The following C4BPA variants were observed in gnomAD, a reference collection of about 807,000 sequenced individuals.
C4BPA encodes the protein C4b-binding protein alpha chain.
C4BPA carries 31 observed loss-of-function variants against 63.7 expected under a neutral mutation model. The ratio of observed to expected loss-of-function variants is 0.49; its 90% CI spans 0.37 to 0.66. C4BPA has a LOEUF of 0.66. Among genes scored for constraint, C4BPA ranks in the 30% least tolerant of loss-of-function variants. The pLI, the probability that C4BPA is intolerant of heterozygous loss-of-function variation, is 0.00. For missense variants in C4BPA, 572 were observed against 723.3 expected, an observed-to-expected ratio of 0.79 and a Z score of 2.40; for synonymous variants, 259 against 254.7, an observed-to-expected ratio of 1.02 and a Z score of -0.16.
In C4BPA at chr1:207,114,197, C is replaced by A; in HGVS notation, c.240C>A (p.Thr80=). ...RFKTGTTLKY[T]CLPGYVRSHS... ...AAACTGGAACTACTCTGAAATACACCTGCCTCCCTGGCTACGTCAGATCCC... is the reference window on the plus strand; with the variant it reads ...AAACTGGAACTACTCTGAAATACACATGCCTCCCTGGCTACGTCAGATCCC... Residue 80 remains threonine (T), a synonymous_variant, in exon 3 of 12, where the codon ACC becomes ACA. Transcript: ENST00000367070. The A allele has an allele frequency of 6.2e-7, 1 of 1,613,770 alleles. No homozygotes were observed. Among genetic ancestry groups the A allele is most frequent in the Non-Finnish European group, 8.5e-7 (1 of 1,179,762 alleles).
intron 8 of C4BPA, among the ~76,000 whole-genome samples, chr1:207,132,618 G>A (rs532786781): frequency 6.6e-6 from 1 of 152,232 alleles, no homozygotes; most frequent in East Asian, 1.9e-4. Flanking sequence ...TGGGGAAATA[G>A]AATAAAAGAT....
intron 4 of C4BPA, 105 bp downstream of exon 4, chr1:207,115,620 G>A: frequency 3.4e-6 from 2 of 589,398 alleles, no homozygotes; most frequent in Non-Finnish European, 5.6e-6. Context: ...GATAGACGTT[G>A]AGAATTCTCA....
Position 207,117,039 on chromosome 1 carries a change from T to C in C4BPA, c.428+1524T>C, listed in dbSNP as rs1246574060. Among the ~76,000 whole-genome samples, 6 of 152,236 alleles carry C rather than the reference T, an allele frequency of 3.9e-5. No individual in the cohort carries two copies. In the East Asian group the frequency reaches 1.2e-3, roughly 29 times the overall value. The stretch of plus-strand genomic sequence containing the variant: ...TTATAATATGTTTTAATAGCCAATA[T>C]GGGTAGAGCTATCTTATTGCTCTTC... On this transcript the variant is annotated intron_variant, in intron 4 of 11. Coordinates refer to ENST00000367070, the MANE Select transcript of C4BPA (RefSeq NM_000715.4).
At chr1:207,107,209 T>C (rs1458746636) in intron 1 of C4BPA, among the ~76,000 whole-genome samples, 1 of 152,202 alleles carries the variant, frequency 6.6e-6, no homozygotes, top group Non-Finnish European at 1.5e-5. Context: ...GGTAAGAGCA[T>C]TAATGCATGG....
chr1:207,104,584 A>G (rs1684522974), intron 1 of C4BPA, among the ~76,000 whole-genome samples, 154 bp downstream of exon 1: 1 of 152,240 alleles, frequency 6.6e-6, no homozygotes. Flanking sequence ...AGGGGGATGT[A>G]AGACTTGAGA....
At chr1:207,136,273 C>T (rs968399914) in intron 9 of C4BPA, among the ~76,000 whole-genome samples, 2 of 152,198 alleles carry the variant, frequency 1.3e-5, no homozygotes, top group Non-Finnish European at 2.9e-5. Flanking sequence ...TCCTCTTGTG[C>T]CAGCACCCAT....
rs1457764777 is a variant in C4BPA at position 207,131,642 on chromosome 1, G to A, written c.986G>A (p.Arg329Lys). Residue 329 changes from arginine to lysine, a missense_variant, in exon 8 of 12, where the codon AGG (arginine) becomes AAG (lysine). By Grantham distance (26) the Arg-to-Lys change is conservative (BLOSUM62 2). Around this residue, in one of 2 missense-constraint regions of C4BPA, gnomAD observed 465 missense variants for 629.4 expected, o/e 0.74. Coordinates refer to ENST00000367070, the MANE Select transcript of C4BPA (RefSeq NM_000715.4). ...EDVYVVGTVL[R>K]YRCHPGYKPT... ...GTGTATGTTGTTGGGACTGTGTTAA[G>A]GTACCGCTGTCATCCTGGCTACAAA... The A allele has an allele frequency of 1.2e-6, 2 of 1,613,798 alleles. No individual in the cohort carries two copies. The highest frequency in any genetic ancestry group is 1.7e-6 in the Non-Finnish European group (2 of 1,179,748).
intron 5 of C4BPA, 57 bp downstream of exon 5, chr1:207,124,064 T>G: frequency 6.7e-7 from 1 of 1,485,882 alleles, no homozygotes; most frequent in Non-Finnish European, 9.4e-7. Flanking sequence ...GGTAATAAAG[T>G]CCCTGTGCAT....
At position 207,114,176 on chromosome 1, in the gene C4BPA, T is replaced by C. The variant is rs1160074102; in HGVS notation, c.219T>C (p.Thr73=). ...DITLTETRFK[T]GTTLKYTCLP... ...CGTTGACTGAGACACGCTTCAAAAC[T>C]GGAACTACTCTGAAATACACCTGCC... The change falls in exon 3 of 12, where the codon ACT becomes ACC. Residue 73 remains threonine, a synonymous_variant. Coordinates refer to ENST00000367070, the MANE Select transcript of C4BPA (RefSeq NM_000715.4). 9.9e-6 allele frequency: 16 copies of C among 1,613,742 alleles called. No homozygotes were observed. The highest frequency in any genetic ancestry group is 1.4e-5 in the Non-Finnish European group (16 of 1,179,816).
At chr1:207,120,797 A>G (rs1264682389) in intron 4 of C4BPA, among the ~76,000 whole-genome samples, 1 of 152,204 alleles carries the variant, frequency 6.6e-6, no homozygotes, top group Non-Finnish European at 1.5e-5. Flanking sequence ...AGAGTTTGCT[A>G]TATACACATC....
chr1:207,117,442 C>A (rs1037327114), intron 4 of C4BPA, among the ~76,000 whole-genome samples: 1 of 152,098 alleles, frequency 6.6e-6, no homozygotes, highest in Non-Finnish European at 1.5e-5. Flanking sequence ...CAGGGCAAGA[C>A]CTCATCTCGA....
chr1:207,137,587 ATATGTTTTGT>A (rs1452428412), intron 9 of C4BPA, among the ~76,000 whole-genome samples: 2 of 142,560 alleles, frequency 1.4e-5, no homozygotes, highest in South Asian at 4.4e-4. Context: ...GGTTGTGGAG[ATATGTTTTGT>A]TTTGTTTTGT....
rs1436067814 is a variant in C4BPA at position 207,144,641 on chromosome 1, A to C, written c.1718A>C (p.Lys573Thr). Residue 573 changes from lysine to threonine, a missense_variant, in exon 12 of 12, where the codon AAG becomes ACG. This residue lies in a region of C4BPA where 465 missense variants were observed against 629.4 expected (regional missense o/e 0.74). Coordinates refer to ENST00000367070, the MANE Select transcript of C4BPA (RefSeq NM_000715.4). ...EDVKMALEVY[K>T]LSLEIEQLEL... ...GTGAAAATGGCCCTGGAGGTATATA[A>C]GCTGTCTCTGGAAATTGAACAACTG... The C allele has an allele frequency of 1.2e-6, 2 of 1,613,706 alleles. No individual in the cohort carries two copies. Among genetic ancestry groups the C allele is most frequent in the African/African-American group, 2.7e-5 (2 of 75,024 alleles).
intron 6 of C4BPA, among the ~76,000 whole-genome samples, chr1:207,124,789 A>G (rs1685000295): frequency 6.6e-6 from 1 of 152,218 alleles, no homozygotes. Flanking sequence ...CAGTAGACGA[A>G]GAGAGAAAGG....
At chr1:207,133,215 G>A (rs1328299572) in intron 8 of C4BPA, among the ~76,000 whole-genome samples, 1 of 152,090 alleles carries the variant, frequency 6.6e-6, no homozygotes, top group East Asian at 1.9e-4. Context: ...AAATATTATT[G>A]TTGTTTTAAT....
At chr1:207,135,350 A>G (rs1159648071) in intron 9 of C4BPA, among the ~76,000 whole-genome samples, 1 of 152,134 alleles carries the variant, frequency 6.6e-6, no homozygotes, top group Non-Finnish European at 1.5e-5. Flanking sequence ...AAAGAAAAAA[A>G]AAAGGCTCAA....
At chr1:207,136,894 C>T (rs934054553) in intron 9 of C4BPA, among the ~76,000 whole-genome samples, 12 of 152,174 alleles carry the variant, frequency 7.9e-5, no homozygotes, top group African/African-American at 2.7e-4. Flanking sequence ...TTAGGGGCTG[C>T]AGTGGACCTG....
chr1:207,134,366 G>A, intron 8 of C4BPA, 38 bp from the exon 9 acceptor site: 1 of 1,499,404 alleles, frequency 6.7e-7, no homozygotes, highest in South Asian at 1.2e-5. Flanking sequence ...TCCTCATGGT[G>A]ATTTTACTAA....
At chr1:207,129,250 G>A (rs959734252) in intron 7 of C4BPA, among the ~76,000 whole-genome samples, 2 of 151,916 alleles carry the variant, frequency 1.3e-5, no homozygotes, top group Admixed American at 1.3e-4. Flanking sequence ...TTGAAGCACA[G>A]AGATGAAAAG....
Sources: gnomAD v4.1 joint callset for allele counts (sites outside exome capture counted in the v4.1 genomes callset) on GRCh38, gnomAD v4.1.1 for gene constraint, gnomAD v4.1.1 regional missense constraint, MANE v1.5 for transcripts, NCBI Gene and HGNC (gene_info 2026-07-23, HGNC 2026-07-21) for gene names.